SYNDIG1: variants seen among roughly 807,000 people sequenced by gnomAD.
SYNDIG1 encodes synapse differentiation inducing 1.
SYNDIG1 carries 9 observed loss-of-function variants against 19.4 expected under a neutral mutation model. The ratio of observed to expected loss-of-function variants is 0.46; its 90% CI spans 0.28 to 0.81. The LOEUF is 0.81. Ranked by LOEUF, SYNDIG1 falls within the 30% of genes least tolerant of loss-of-function variation. SYNDIG1 has a pLI of 0.12. For missense variants in SYNDIG1, 311 were observed against 343.3 expected, an observed-to-expected ratio of 0.91 and a Z score of 0.74; for synonymous variants, 141 against 145.9, an observed-to-expected ratio of 0.97 and a Z score of 0.24.
chr20:24,479,504 C>T (rs2055734934), intron 1 of SYNDIG1, among the ~76,000 whole-genome samples: 2 of 152,150 alleles, frequency 1.3e-5, no homozygotes, highest in South Asian at 4.1e-4. Context: ...TCCCTCCAGC[C>T]CCTCAGGCTT....
intron 3 of SYNDIG1, among the ~76,000 whole-genome samples, chr20:24,644,786 A>T (rs1298090528): frequency 1.3e-5 from 2 of 152,212 alleles, no homozygotes; most frequent in Admixed American, 6.5e-5. Flanking sequence ...CAGAATTCAT[A>T]AGCACCCAGT....
chr20:24,530,783 T>G (rs1296584908), intron 1 of SYNDIG1, among the ~76,000 whole-genome samples: 1 of 151,048 alleles, frequency 6.6e-6, no homozygotes, highest in Non-Finnish European at 1.5e-5. Context: ...TTGTGGGGGG[T>G]TTTGTTTGTT....
chr20:24,477,744 A>G (rs1018385319), intron 1 of SYNDIG1, among the ~76,000 whole-genome samples: 3 of 152,146 alleles, frequency 2.0e-5, no homozygotes, highest in African/African-American at 7.2e-5. Flanking sequence ...AGGCCAGTGC[A>G]TGGAAGTGGA....
intron 3 of SYNDIG1, among the ~76,000 whole-genome samples, chr20:24,664,046 T>C (rs729541): frequency 0.074 from 11,305 of 152,012 alleles, 525 homozygotes; most frequent in Non-Finnish European, 0.098. Flanking sequence ...GAATTGTCCA[T>C]AGTGAGCTCT....
intron 3 of SYNDIG1, chr20:24,597,181 C>T (rs2058608678): frequency 6.6e-6 from 1 of 152,204 alleles, no homozygotes; most frequent in African/African-American, 2.4e-5. Flanking sequence ...GTCCCAGTAG[C>T]TCTCCCCAGG....
chr20:24,607,081 C>A (rs535379779), intron 3 of SYNDIG1, among the ~76,000 whole-genome samples: 2 of 152,120 alleles, frequency 1.3e-5, no homozygotes, highest in Non-Finnish European at 2.9e-5. Flanking sequence ...CCACCTTGGC[C>A]GGGCACCATG....
chr20:24,540,531 G>A (rs1021110579), intron 1 of SYNDIG1, among the ~76,000 whole-genome samples: 12 of 152,098 alleles, frequency 7.9e-5, no homozygotes, highest in African/African-American at 2.9e-4. Context: ...TTATTTTGTT[G>A]AGGTAATTTC....
At chr20:24,486,231 G>A (rs1600402399) in intron 1 of SYNDIG1, among the ~76,000 whole-genome samples, 1 of 152,190 alleles carries the variant, frequency 6.6e-6, no homozygotes, top group South Asian at 2.1e-4. Context: ...GTGTGGTGTG[G>A]GCAGGATGGC....
rs1473559009 is a variant in SYNDIG1, at chr20:24,543,454, G to A, written c.357G>A (p.Arg119=). The A allele has an allele frequency of 2.5e-6, 4 of 1,613,466 alleles. No individual in the cohort carries two copies. Among genetic ancestry groups the A allele is most frequent in the South Asian group, 2.2e-5 (2 of 91,074 alleles). ...GCGAGACCACCTTCATCGAGGACCG[G>A]TCGCCCACCAAAGACAGCCTCGAGT... ...DCCETTFIED[R]SPTKDSLEYP... is the part of the protein sequence containing the mutation. Residue 119 remains arginine (R), a synonymous_variant, in exon 2 of 4, where the codon CGG becomes CGA. Coordinates refer to ENST00000376862, the MANE Select transcript of SYNDIG1 (RefSeq NM_024893.3).
intron 1 of SYNDIG1, among the ~76,000 whole-genome samples, chr20:24,497,779 G>A (rs917068946): frequency 6.6e-6 from 1 of 152,304 alleles, no homozygotes; most frequent in Admixed American, 6.5e-5. Context: ...TCAGCTACAG[G>A]GGCTGAAGAG....
intron 1 of SYNDIG1, among the ~76,000 whole-genome samples, chr20:24,508,851 A>C (rs2056671350): frequency 6.6e-6 from 1 of 152,160 alleles, no homozygotes; most frequent in Non-Finnish European, 1.5e-5. Context: ...AAGGGGAATA[A>C]ATAGAGGTGG....
chr20:24,550,253 C>CG (rs1170939628), intron 2 of SYNDIG1, among the ~76,000 whole-genome samples: 1 of 152,152 alleles, frequency 6.6e-6, no homozygotes, highest in African/African-American at 2.4e-5. Flanking sequence ...CTAGGTTAAT[C>CG]CCATATCTTG....
intron 2 of SYNDIG1, among the ~76,000 whole-genome samples, chr20:24,574,304 C>T (rs1416202955): frequency 2.1e-5 from 3 of 144,426 alleles, no homozygotes; most frequent in African/African-American, 7.9e-5. Flanking sequence ...ACAGTGAAAC[C>T]CCGTCTCTAT....
At chr20:24,607,443 G>C (rs202084246) in intron 3 of SYNDIG1, among the ~76,000 whole-genome samples, 1 of 152,110 alleles carries the variant, frequency 6.6e-6, no homozygotes, top group Non-Finnish European at 1.5e-5. Context: ...TGGGCACCCT[G>C]GTTCTGGCCA....
At chr20:24,563,033 A>C (rs2146891192) in intron 2 of SYNDIG1, among the ~76,000 whole-genome samples, 1 of 152,308 alleles carries the variant, frequency 6.6e-6, no homozygotes, top group South Asian at 2.1e-4. Context: ...ATTCTAAATG[A>C]AATTGTAGTT....
In SYNDIG1 at chr20:24,575,299, T is replaced by A. The variant is rs115959001; in HGVS notation, c.481-9557T>A. Among the ~76,000 whole-genome samples, 1,338 of 152,246 alleles carry A rather than the reference T, an allele frequency of 8.8e-3. 4 individuals carry two copies. Among genetic ancestry groups the A allele is most frequent in the Middle Eastern group, 0.014 (4 of 294 alleles). On this transcript the variant is annotated intron_variant, in intron 2 of 3. Coordinates refer to ENST00000376862, the MANE Select transcript of SYNDIG1 (RefSeq NM_024893.3). ...CCATCCCAAAGGAAGAAAACAAAATTTAAAGAAATAGGACGGAGGTGATCC... is the reference window on the plus strand; with the variant it reads ...CCATCCCAAAGGAAGAAAACAAAATATAAAGAAATAGGACGGAGGTGATCC...
chr20:24,483,905 G>A (rs1268638122), intron 1 of SYNDIG1, among the ~76,000 whole-genome samples: 1 of 152,170 alleles, frequency 6.6e-6, no homozygotes, highest in Non-Finnish European at 1.5e-5. Flanking sequence ...GCGTCCAGAT[G>A]CAGCCAAGAC....
intron 1 of SYNDIG1, among the ~76,000 whole-genome samples, chr20:24,496,492 G>T (rs376248476): frequency 5.3e-4 from 80 of 152,226 alleles, no homozygotes; most frequent in African/African-American, 1.9e-3. Flanking sequence ...TAAAAGCATG[G>T]GTTTCTATAG....
At chr20:24,540,317 G>A (rs1290162223) in intron 1 of SYNDIG1, among the ~76,000 whole-genome samples, 2 of 152,108 alleles carry the variant, frequency 1.3e-5, no homozygotes, top group African/African-American at 2.4e-5. Context: ...GGAATCTTTA[G>A]GGTTTTCTAT....
Sources: gnomAD v4.1 joint callset for allele counts (sites outside exome capture counted in the v4.1 genomes callset) on GRCh38, gnomAD v4.1.1 for gene constraint, MANE v1.5 for transcripts, NCBI Gene and HGNC (gene_info 2026-07-23, HGNC 2026-07-21) for gene names.